The following TP73 variants were observed in gnomAD, a reference collection of about 807,000 sequenced individuals.
TP73 encodes the protein tumor protein p73.
Under a neutral mutation model 62.5 loss-of-function variants are expected in TP73, and 25 were observed. The observed-to-expected ratio is 0.40, with a 90% confidence interval of 0.29 to 0.56. TP73 has a LOEUF of 0.56. Among genes scored for constraint, TP73 ranks in the 20% least tolerant of loss-of-function variants. The pLI, the probability that TP73 is intolerant of heterozygous loss-of-function variation, is 0.46. For synonymous variants in TP73, 423 were observed against 377.5 expected (o/e 1.12, Z -1.40); for missense variants, 754 against 913.3 (o/e 0.83, Z 2.25).
At chr1:3,730,409 T>C (rs749563830) in intron 11 of TP73, among the ~76,000 whole-genome samples, 12 of 152,172 alleles carry the variant, frequency 7.9e-5, no homozygotes, top group Non-Finnish European at 1.6e-4. Flanking sequence ...GCGAGGGAGC[T>C]TGGGGAAGGC....
intron 4 of TP73, among the ~76,000 whole-genome samples, chr1:3,718,313 C>T (rs932690020): frequency 3.5e-4 from 54 of 152,236 alleles, no homozygotes; most frequent in Admixed American, 1.3e-4. Context: ...CGGGAGCACG[C>T]ACTGGGCCCT....
At chr1:3,728,268 G>A (rs373902039) in intron 9 of TP73, 51 bp downstream of exon 9, 290 of 1,580,114 alleles carry the variant, frequency 1.8e-4, no homozygotes, top group Middle Eastern at 1.0e-3. Flanking sequence ...CACCTCTGTC[G>A]TCTGCTGAGC....
Position 3,662,845 on chromosome 1 carries a change from A to G in TP73, c.-34+10204A>G, listed in dbSNP as rs1003900757. 3.3e-5 allele frequency among the ~76,000 whole-genome samples: 5 copies of G among 152,156 alleles called. No individual in the cohort carries two copies. Among genetic ancestry groups the G allele is most frequent in the Non-Finnish European group, 7.4e-5 (5 of 68,016 alleles). ...CAGGACAGACCTGGCTGGGGAGCGC[A>G]GGGAGGGGTCCCCAGTGTGAGGACA... On this transcript the variant is annotated intron_variant, in intron 1 of 13. Transcript: ENST00000378295. The surrounding 1 kb of genome is among the most constrained non-coding windows in gnomAD (Gnocchi z 4.4).
intron 1 of TP73, among the ~76,000 whole-genome samples, chr1:3,665,306 T>C (rs989506725): frequency 2.0e-5 from 3 of 152,146 alleles, no homozygotes; most frequent in South Asian, 2.1e-4. Flanking sequence ...CCCCCAAGCT[T>C]TTAGAAGGAA....
intron 1 of TP73, among the ~76,000 whole-genome samples, chr1:3,656,601 G>A (rs759906582): frequency 2.0e-5 from 3 of 152,168 alleles, no homozygotes; most frequent in Non-Finnish European, 2.9e-5. Flanking sequence ...ACTTGCACAG[G>A]GTCACACAGC....
intron 3 of TP73, chr1:3,690,680 C>A (rs1359322397): frequency 2.1e-6 from 3 of 1,410,422 alleles, no homozygotes; most frequent in Non-Finnish European, 2.8e-6. Context: ...TTGGATTCAG[C>A]CAGTTGACAG....
intron 1 of TP73, among the ~76,000 whole-genome samples, chr1:3,660,332 T>G (rs1206960361): frequency 6.6e-6 from 1 of 152,204 alleles, no homozygotes; most frequent in African/African-American, 2.4e-5. Flanking sequence ...TTTGTTTTCC[T>G]CCAACGGGTT....
In TP73 at chr1:3,696,077, G is replaced by A. The variant is rs1378639975; in HGVS notation, c.187-11472G>A. 6.6e-6 allele frequency among the ~76,000 whole-genome samples: 1 copy of A among 152,156 alleles called. No homozygotes were observed. Among genetic ancestry groups the A allele is most frequent in the African/African-American group, 2.4e-5 (1 of 41,458 alleles). ...AGAAGGAGCCGCATGCAGGGAGGAGGACGACGAGCGAGCAGTTCCCAAAGC... is the reference window on the plus strand; with the variant it reads ...AGAAGGAGCCGCATGCAGGGAGGAGAACGACGAGCGAGCAGTTCCCAAAGC... On this transcript the variant is annotated intron_variant, in intron 3 of 13. Transcript: ENST00000378295. This position sits in a 1 kb window ranked among gnomAD's most constrained non-coding sequence, Gnocchi z 4.1.
At chr1:3,718,463 T>A (rs1204416929) in intron 4 of TP73, among the ~76,000 whole-genome samples, 1 of 151,964 alleles carries the variant, frequency 6.6e-6, no homozygotes, top group Admixed American at 6.5e-5. Flanking sequence ...GCTGCCTAGG[T>A]CTGCGAAATG....
In TP73 at chr1:3,662,131, C is replaced by G. The variant is rs1645008084; in HGVS notation, c.-34+9490C>G. ...AAATTGCCACTCTCCTGGAGCAGCC[C>G]CTGAAGGTGGAGACCAGGCACCTGC... On this transcript the variant is annotated intron_variant, in intron 1 of 13. Transcript: ENST00000378295. The surrounding 1 kb of genome is among the most constrained non-coding windows in gnomAD (Gnocchi z 4.4). 1 of 152,052 alleles carries G rather than the reference C, an allele frequency of 6.6e-6. No homozygotes were observed. Among genetic ancestry groups the G allele is most frequent in the Admixed American group, 6.5e-5 (1 of 15,268 alleles). 9.4% of individuals were successfully genotyped at this position (152,052 alleles called of 1,614,324 possible).
At chr1:3,709,334 C>T (rs1422061095) in intron 4 of TP73, among the ~76,000 whole-genome samples, 1 of 152,244 alleles carries the variant, frequency 6.6e-6, no homozygotes, top group Non-Finnish European at 1.5e-5. Context: ...CTCCATCTGG[C>T]AGGCAATGCC....
At chr1:3,715,640 C>CCCTG (rs1306507547) in intron 4 of TP73, among the ~76,000 whole-genome samples, 1 of 152,144 alleles carries the variant, frequency 6.6e-6, no homozygotes, top group African/African-American at 2.4e-5. Context: ...GTGCCCCATT[C>CCCTG]CCTGGCAGGT....
chr1:3,690,835 G>A (rs950023278), intron 3 of TP73: 5 of 1,546,978 alleles, frequency 3.2e-6, no homozygotes, highest in Admixed American at 3.9e-5. Context: ...TTCCCCTCGG[G>A]CCGCCCAGAT....
chr1:3,728,717 G>A (rs79883376), intron 9 of TP73, among the ~76,000 whole-genome samples: 3,329 of 152,356 alleles, frequency 0.022, 56 homozygotes, highest in Non-Finnish European at 0.036. Flanking sequence ...GCTCATGCCT[G>A]TAATCCCGGC....
At position 3,731,075 on chromosome 1, in the gene TP73, C is replaced by T. The variant is rs192167917; in HGVS notation, c.1484+10C>T. 2.9e-5 allele frequency: 47 copies of T among 1,608,914 alleles called. No individual in the cohort carries two copies. The East Asian group carries it at 9.8e-4, about 34-fold the overall frequency. Reference sequence around the variant, plus strand: ...ACCCCAGCCTCGTCAGGTGCGTGGGCTGCCGAGGGCCTGAGCATGTGCTGT... The same window carrying T: ...ACCCCAGCCTCGTCAGGTGCGTGGGTTGCCGAGGGCCTGAGCATGTGCTGT... On this transcript the variant is annotated intron_variant, in intron 12 of 13. Transcript: ENST00000378295.
chr1:3,682,994 C>A, intron 2 of TP73, 66 bp from the exon 3 acceptor site: 1 of 1,548,648 alleles, frequency 6.5e-7, no homozygotes, highest in Non-Finnish European at 8.8e-7. Flanking sequence ...AGCTCTGGGC[C>A]TGGGAGGTAT....
chr1:3,725,029 A>AG (rs1203733075), intron 6 of TP73, among the ~76,000 whole-genome samples: 1 of 152,178 alleles, frequency 6.6e-6, no homozygotes, highest in East Asian at 1.9e-4. Flanking sequence ...AAAAAAAAAA[A>AG]AAAGAGTTTT....
rs987956641 is a variant in TP73, at chr1:3,670,406, T to C, written c.-33-11927T>C. The stretch of plus-strand genomic sequence containing the variant: ...AAGGCCAGGCGTGGTGGCTCACATC[T>C]GTAATCCCAGCACTCTGGGAGGCTG... On this transcript the variant is annotated intron_variant, in intron 1 of 13. Transcript: ENST00000378295. This position sits in a 1 kb window ranked among gnomAD's most constrained non-coding sequence, Gnocchi z 5.9. Among the ~76,000 whole-genome samples, 1 of 152,118 alleles carries C rather than the reference T, an allele frequency of 6.6e-6. No individual in the cohort carries two copies. The highest frequency in any genetic ancestry group is 2.4e-5 in the African/African-American group (1 of 41,416).
chr1:3,707,973 G>A, intron 4 of TP73, 182 bp downstream of exon 4: 1 of 981,774 alleles, frequency 1.0e-6, no homozygotes, highest in Middle Eastern at 3.3e-4. Flanking sequence ...CAGTCTGGGT[G>A]TGCCCACCCC....
Sources: allele counts gnomAD v4.1 joint callset (sites outside exome capture counted in the v4.1 genomes callset), GRCh38; gene constraint gnomAD v4.1.1; non-coding constraint Gnocchi (gnomAD v3.1); transcripts MANE v1.5; gene names NCBI Gene and HGNC (gene_info 2026-07-23, HGNC 2026-07-21).